AUTS2: variants seen among roughly 807,000 people sequenced by gnomAD.
The protein encoded by AUTS2 is autism susceptibility gene 2 protein.
AUTS2 carries 17 observed loss-of-function variants against 112.4 expected under a neutral mutation model. The observed-to-expected ratio is 0.15, with a 90% CI of 0.10 to 0.23. The LOEUF is 0.23. Ranked by LOEUF, AUTS2 falls within the 10% of genes least tolerant of loss-of-function variation. AUTS2 has a pLI of 1.00. For synonymous variants in AUTS2, 751 were observed against 702.7 expected, an observed-to-expected ratio of 1.07 and a Z score of -1.09; for missense variants, 1,510 against 1,701.6, an observed-to-expected ratio of 0.89 and a Z score of 1.98.
chr7:70,019,624 C>T (rs1240829193), intron 2 of AUTS2, among the ~76,000 whole-genome samples: 1 of 152,162 alleles, frequency 6.6e-6, no homozygotes, highest in Admixed American at 6.5e-5. Context: ...GGCCCTGACA[C>T]TAGCCCTGTT....
At chr7:70,292,351 A>G (rs1267816346) in intron 4 of AUTS2, 1 of 152,256 alleles carries the variant, frequency 6.6e-6, no homozygotes, top group Non-Finnish European at 1.5e-5. Context: ...AGTTGTAGCC[A>G]CTCAGTGTCA....
At chr7:70,091,894 T>C (rs1486509370) in intron 2 of AUTS2, among the ~76,000 whole-genome samples, 1 of 152,174 alleles carries the variant, frequency 6.6e-6, no homozygotes, top group Non-Finnish European at 1.5e-5. Context: ...ATCCTGTAAT[T>C]TGCTGTGGTG....
At chr7:70,292,913 C>G (rs1458836935) in intron 4 of AUTS2, 3 of 152,156 alleles carry the variant, frequency 2.0e-5, no homozygotes, top group African/African-American at 7.2e-5. Context: ...TAACAAAGCG[C>G]TGTCACAGAC....
intron 2 of AUTS2, among the ~76,000 whole-genome samples, chr7:70,117,110 TTTTTTTG>T (rs1259637461): frequency 0.015 from 1,521 of 100,656 alleles, 41 homozygotes; most frequent in African/African-American, 0.064. Context: ...TTTTGTTTTT[TTTTTTTG>T]TTTTTTTTTG....
intron 4 of AUTS2, among the ~76,000 whole-genome samples, chr7:70,146,475 A>AT (rs1259967158): frequency 6.6e-6 from 1 of 151,944 alleles, no homozygotes; most frequent in Non-Finnish European, 1.5e-5. Context: ...TAATTTTATT[A>AT]TTTTTCATCT....
At chr7:69,632,198 C>A (rs890901712) in intron 1 of AUTS2, among the ~76,000 whole-genome samples, 1 of 152,126 alleles carries the variant, frequency 6.6e-6, no homozygotes, top group Non-Finnish European at 1.5e-5. Context: ...CTATTTTGAA[C>A]TTTTGCATAT....
At chr7:70,459,196 C>T (rs1391663838) in intron 5 of AUTS2, among the ~76,000 whole-genome samples, 1 of 152,134 alleles carries the variant, frequency 6.6e-6, no homozygotes, top group Non-Finnish European at 1.5e-5. Context: ...AGTCATGTGG[C>T]TTTTTTCTTC....
intron 4 of AUTS2, among the ~76,000 whole-genome samples, chr7:70,339,901 C>T (rs1048099305): frequency 6.6e-6 from 1 of 152,012 alleles, no homozygotes. Context: ...AAAGTTCAGG[C>T]AAAATACCGC....
At chr7:70,498,503 C>G (rs1030975347) in intron 5 of AUTS2, among the ~76,000 whole-genome samples, 1 of 152,004 alleles carries the variant, frequency 6.6e-6, no homozygotes, top group Non-Finnish European at 1.5e-5. Context: ...ATGTCAGGGC[C>G]TGGTCTCAAG....
chr7:70,212,527 C>T (rs1202485168), intron 4 of AUTS2, among the ~76,000 whole-genome samples: 1 of 151,984 alleles, frequency 6.6e-6, no homozygotes, highest in East Asian at 1.9e-4. Context: ...AATTAAATTC[C>T]TAAAAAATTG....
chr7:69,714,236 C>CGT (rs1562830385), intron 1 of AUTS2, among the ~76,000 whole-genome samples: 98 of 106,426 alleles, frequency 9.2e-4, no homozygotes, highest in African/African-American at 4.2e-3. Context: ...GCTAATTGTG[C>CGT]ATGTGTGTGT....
intron 1 of AUTS2, among the ~76,000 whole-genome samples, chr7:69,677,542 G>A (rs1185835877): frequency 3.3e-5 from 5 of 152,120 alleles, no homozygotes; most frequent in Non-Finnish European, 5.9e-5. Context: ...CTTAACAAAA[G>A]GTCTACGTGG....
intron 1 of AUTS2, among the ~76,000 whole-genome samples, chr7:69,880,147 C>A (rs182175364): frequency 1.3e-5 from 2 of 152,090 alleles, no homozygotes; most frequent in African/African-American, 4.8e-5. Context: ...GCACATCTTA[C>A]GTGGCCTGGG....
chr7:69,806,003 G>A (rs1480466327), intron 1 of AUTS2, among the ~76,000 whole-genome samples: 6 of 151,730 alleles, frequency 4.0e-5, no homozygotes, highest in Non-Finnish European at 5.9e-5. Context: ...AGGCTCACAC[G>A]ATTCCCCCAC....
intron 5 of AUTS2, among the ~76,000 whole-genome samples, chr7:70,523,971 G>T (rs961026037): frequency 6.6e-6 from 1 of 152,184 alleles, no homozygotes; most frequent in Non-Finnish European, 1.5e-5. Flanking sequence ...CATAAACCTG[G>T]CAGATCAACT....
chr7:70,268,945 C>T (rs1021716342), intron 4 of AUTS2, among the ~76,000 whole-genome samples: 2 of 152,090 alleles, frequency 1.3e-5, no homozygotes, highest in Non-Finnish European at 2.9e-5. Context: ...GTGTTAACTT[C>T]GTCACCTGGA....
intron 2 of AUTS2, among the ~76,000 whole-genome samples, chr7:70,055,908 A>G (rs1348064403): frequency 6.6e-6 from 1 of 151,938 alleles, no homozygotes; most frequent in Admixed American, 6.6e-5. Context: ...CAGGTCTCGA[A>G]CTCCTGACCT....
intron 4 of AUTS2, among the ~76,000 whole-genome samples, chr7:70,280,670 T>C (rs1304047584): frequency 2.0e-5 from 3 of 151,954 alleles, no homozygotes; most frequent in Admixed American, 2.0e-4. Context: ...CACTTGGAGG[T>C]CTGAACAGTT....
chr7:70,458,701 G>A (rs1585169617), intron 5 of AUTS2, among the ~76,000 whole-genome samples: 2 of 152,074 alleles, frequency 1.3e-5, no homozygotes, highest in East Asian at 3.9e-4. Context: ...ATTTTTTCAG[G>A]AATTTCTCCT....
Sources: gnomAD v4.1 joint callset for allele counts (sites outside exome capture counted in the v4.1 genomes callset) on GRCh38, gnomAD v4.1.1 for gene constraint, MANE v1.5 for transcripts, NCBI Gene and HGNC (gene_info 2026-07-23, HGNC 2026-07-21) for gene names.